Variants in GRM7 observed in about 807,000 individuals in gnomAD.
GRM7 encodes glutamate metabotropic receptor 7, also known as metabotropic glutamate receptor 7.
GRM7 carries 35 observed loss-of-function variants against 84.5 expected under a neutral mutation model. The ratio of observed to expected loss-of-function variants is 0.41; its 90% CI spans 0.32 to 0.55. The LOEUF is 0.55. Ranked by LOEUF, GRM7 falls within the 20% of genes least tolerant of loss-of-function variation. The pLI, the probability that GRM7 is intolerant of heterozygous loss-of-function variation, is 0.19. For missense variants in GRM7, 1,003 were observed against 1,194.6 expected (o/e 0.84, Z 2.36); for synonymous variants, 487 against 455.1 (o/e 1.07, Z -0.89).
intron 7 of GRM7, among the ~76,000 whole-genome samples, chr3:7,491,961 A>T (rs1246932786): frequency 1.3e-5 from 2 of 152,178 alleles, no homozygotes; most frequent in African/African-American, 4.8e-5. Flanking sequence ...AGGAGTGACG[A>T]TGAAATCATA....
chr3:6,958,536 A>G (rs1399128063), intron 1 of GRM7, among the ~76,000 whole-genome samples: 1 of 152,134 alleles, frequency 6.6e-6, no homozygotes. Flanking sequence ...TTCCCTGGGT[A>G]AATATCTAGG....
chr3:7,312,986 T>C (rs1700459001), intron 4 of GRM7, among the ~76,000 whole-genome samples: 1 of 150,360 alleles, frequency 6.7e-6, no homozygotes, highest in African/African-American at 2.5e-5. Flanking sequence ...TGGAATGCAG[T>C]GATGTGATCT....
chr3:7,699,601 C>A (rs899373541), intron 9 of GRM7, among the ~76,000 whole-genome samples: 3 of 152,096 alleles, frequency 2.0e-5, no homozygotes, highest in Admixed American at 1.3e-4. Flanking sequence ...CATCCATTTT[C>A]AAAAATTAGC....
chr3:6,894,841 G>A (rs1696116070), intron 1 of GRM7, among the ~76,000 whole-genome samples: 2 of 152,242 alleles, frequency 1.3e-5, no homozygotes, highest in African/African-American at 4.8e-5. Context: ...AGATGCCCTG[G>A]CTGTATTATT....
intron 1 of GRM7, among the ~76,000 whole-genome samples, chr3:6,949,726 C>T (rs550759156): frequency 6.6e-6 from 1 of 152,120 alleles, no homozygotes; most frequent in East Asian, 1.9e-4. Context: ...TTCACATAGT[C>T]CCATATTTCT....
intron 7 of GRM7, among the ~76,000 whole-genome samples, chr3:7,519,229 G>C (rs939302105): frequency 6.6e-6 from 1 of 152,130 alleles, no homozygotes; most frequent in East Asian, 1.9e-4. Flanking sequence ...AGGTGTAGTG[G>C]TGCATGCCTG....
chr3:7,567,550 C>T (rs1196668526), intron 7 of GRM7, among the ~76,000 whole-genome samples: 1 of 151,782 alleles, frequency 6.6e-6, no homozygotes, highest in Non-Finnish European at 1.5e-5. Flanking sequence ...GAGTTTGAGA[C>T]CAGCCTGGCC....
intron 1 of GRM7, among the ~76,000 whole-genome samples, chr3:7,092,893 G>A (rs1359021667): frequency 2.6e-5 from 4 of 152,110 alleles, no homozygotes; most frequent in Admixed American, 1.3e-4. Flanking sequence ...GGCCAGCCTG[G>A]ACAACATAGT....
chr3:6,982,945 C>T (rs1422683702), intron 1 of GRM7, among the ~76,000 whole-genome samples: 1 of 152,110 alleles, frequency 6.6e-6, no homozygotes, highest in Non-Finnish European at 1.5e-5. Context: ...AAAGCACTCA[C>T]GTTGAGAATT....
At chr3:6,872,748 A>G (rs1323370936) in intron 1 of GRM7, among the ~76,000 whole-genome samples, 1 of 152,114 alleles carries the variant, frequency 6.6e-6, no homozygotes, top group Non-Finnish European at 1.5e-5. Flanking sequence ...TTTGCTGAGA[A>G]TGATGGTTTC....
chr3:7,222,722 A>T (rs1347075052), intron 2 of GRM7, among the ~76,000 whole-genome samples: 1 of 152,220 alleles, frequency 6.6e-6, no homozygotes, highest in Non-Finnish European at 1.5e-5. Flanking sequence ...AAATTAATTT[A>T]AAAGGCAATG....
chr3:7,740,432 A>T lies in GRM7; in HGVS notation c.*26A>T, dbSNP rs748469278. Reference sequence around the variant, plus strand: ...CCTGTTCCATTCCATGGAACCATGGAGGAGGAAGACCCTCAGTTATTTTGT... The same window carrying T: ...CCTGTTCCATTCCATGGAACCATGGTGGAGGAAGACCCTCAGTTATTTTGT... On this transcript the variant is annotated 3_prime_UTR_variant, in exon 10 of 10. Coordinates refer to ENST00000357716, the MANE Select transcript of GRM7 (RefSeq NM_000844.4). The T allele has an allele frequency of 2.2e-6, 3 of 1,338,278 alleles. No individual in the cohort carries two copies. The highest frequency in any genetic ancestry group is 3.1e-6 in the Non-Finnish European group (3 of 952,792). 82.9% of individuals were successfully genotyped at this position (1,338,278 alleles called of 1,614,324 possible). A position where few individuals can be genotyped will look rare whatever the true frequency, so the allele number is the denominator to read the frequency against.
chr3:7,693,608 G>A, intron 9 of GRM7: 2 of 1,451,598 alleles, frequency 1.4e-6, no homozygotes, highest in Non-Finnish European at 1.9e-6. Context: ...TCCAGACTGA[G>A]ACTTGAGCTG....
At chr3:7,131,940 G>A (rs529195917) in intron 1 of GRM7, among the ~76,000 whole-genome samples, 3 of 152,280 alleles carry the variant, frequency 2.0e-5, no homozygotes, top group South Asian at 4.2e-4. Context: ...CTACCCTCAA[G>A]CTAGGAAAGT....
At chr3:7,687,864 G>A in intron 9 of GRM7, among the ~76,000 whole-genome samples, 1 of 152,160 alleles carries the variant, frequency 6.6e-6, no homozygotes, top group Admixed American at 6.6e-5. Flanking sequence ...ATGGATGCCA[G>A]TAACTCGGTC....
At chr3:7,458,102 C>T (rs1698094971) in intron 6 of GRM7, among the ~76,000 whole-genome samples, 2 of 152,168 alleles carry the variant, frequency 1.3e-5, no homozygotes, top group African/African-American at 2.4e-5. Context: ...TACGTTGATG[C>T]AGAAGACTGG....
At chr3:7,143,166 A>G (rs574205464) in intron 1 of GRM7, among the ~76,000 whole-genome samples, 154 of 152,284 alleles carry the variant, frequency 1.0e-3, no homozygotes, top group Admixed American at 1.9e-3. Flanking sequence ...TAATTGCTAA[A>G]GATGCCTAAT....
chr3:7,643,273 A>G (rs1213604348), intron 8 of GRM7, among the ~76,000 whole-genome samples: 1 of 116,232 alleles, frequency 8.6e-6, no homozygotes, highest in Non-Finnish European at 1.8e-5. Flanking sequence ...GCTTTCTGAG[A>G]ACTGGTTGCA....
chr3:7,726,383 A>T (rs1218034185), intron 9 of GRM7, among the ~76,000 whole-genome samples: 3 of 151,988 alleles, frequency 2.0e-5, no homozygotes, highest in Non-Finnish European at 4.4e-5. Flanking sequence ...TTTACTTTCA[A>T]TATAAAAAGA....
Sources: gnomAD v4.1 joint callset for allele counts (sites outside exome capture counted in the v4.1 genomes callset) on GRCh38, gnomAD v4.1.1 for gene constraint, MANE v1.5 for transcripts, NCBI Gene and HGNC (gene_info 2026-07-23, HGNC 2026-07-21) for gene names.